Variants in PCSK9 observed in about 807,000 individuals in gnomAD.
PCSK9 encodes proprotein convertase subtilisin/kexin type 9, also known as convertase subtilisin/kexin type 9 preproprotein.
Under a neutral mutation model 62.1 loss-of-function variants are expected in PCSK9, and 57 were observed. The observed-to-expected ratio is 0.92, with a 90% CI of 0.74 to 1.14. PCSK9 has a LOEUF of 1.14. PCSK9 is among the 50% of genes most tolerant of loss of function. The probability of loss-of-function intolerance (pLI) is 0.00; values close to 1 mark genes in which losing one functional copy is unlikely to be tolerated. For missense variants in PCSK9, 870 were observed against 959.8 expected, an observed-to-expected ratio of 0.91 and a Z score of 1.24; for synonymous variants, 387 against 409.4, an observed-to-expected ratio of 0.95 and a Z score of 0.66.
At chr1:55,061,879 G>C (rs2100339071) in intron 11 of PCSK9, among the ~76,000 whole-genome samples, 1 of 152,218 alleles carries the variant, frequency 6.6e-6, no homozygotes, top group South Asian at 2.1e-4. Flanking sequence ...TCTGAGATGG[G>C]GTCTTGCTGT....
chr1:55,056,124 C>G lies in PCSK9; in HGVS notation c.931C>G (p.Leu311Val), dbSNP rs1644712071. The G allele has an allele frequency of 6.4e-7, 1 of 1,571,896 alleles. No homozygotes were observed. The highest frequency in any genetic ancestry group is 1.7e-5 in the Admixed American group (1 of 57,398). Residue 311 changes from leucine to valine, a missense_variant, in exon 6 of 12, where the codon CTG (leucine) becomes GTG (valine). Coordinates refer to ENST00000302118, the MANE Select transcript of PCSK9 (RefSeq NM_174936.4). ...GCGCCTGGCGAGGGCTGGGGTCGTG[C>G]TGGTCACCGCTGCCGGCAACTTCCG... Reference protein sequence around the residue: ...CQRLARAGVVLVTAAGNFRDD... With the variant: ...CQRLARAGVVVVTAAGNFRDD...
At position 55,052,723 on chromosome 1, in the gene PCSK9, G is replaced by A. The variant is rs370501906; in HGVS notation, c.731G>A (p.Gly244Asp). 2.5e-6 allele frequency: 4 copies of A among 1,613,066 alleles called. No individual in the cohort carries two copies. The highest frequency in any genetic ancestry group is 2.2e-5 in the South Asian group (2 of 91,082). The change falls in exon 5 of 12, where the codon GGT becomes GAT. Residue 244 changes from glycine (G) to aspartate (D), a missense_variant. Physicochemically the swap from Gly to Asp is moderately conservative, Grantham distance 94. Coordinates refer to ENST00000302118, the MANE Select transcript of PCSK9 (RefSeq NM_174936.4). Reference protein sequence around the residue: ...VSGRDAGVAKGASMRSLRVLN... With the variant: ...VSGRDAGVAKDASMRSLRVLN... ...GGCCGGGATGCCGGCGTGGCCAAGG[G>A]TGCCAGCATGCGCAGCCTGCGCGTG...
At chr1:55,061,036 CT>C (rs1644755148) in intron 10 of PCSK9, among the ~76,000 whole-genome samples, 2 of 152,346 alleles carry the variant, frequency 1.3e-5, no homozygotes, top group African/African-American at 2.4e-5. Flanking sequence ...CTTCTGCCTG[CT>C]GGCTGCATAG....
At chr1:55,060,030 G>T (rs1247362019) in intron 10 of PCSK9, among the ~76,000 whole-genome samples, 1 of 152,212 alleles carries the variant, frequency 6.6e-6, no homozygotes, top group Non-Finnish European at 1.5e-5. Flanking sequence ...GCAGACCTCG[G>T]TTTGAATTTC....
rs1557509722 is a variant in PCSK9 at position 55,063,418 on chromosome 1, T to C, written c.1913T>C (p.Leu638Pro). 1.9e-6 allele frequency: 3 copies of C among 1,613,740 alleles called. No homozygotes were observed. The Admixed American group carries it at 5.0e-5, about 27-fold the overall frequency. ...EGWTLTGCSA[L>P]PGTSHVLGAY... ...TGGACCCTGACTGGCTGCAGTGCCCTCCCTGGGACCTCCCACGTCCTGGGG... is the reference window on the plus strand; with the variant it reads ...TGGACCCTGACTGGCTGCAGTGCCCCCCCTGGGACCTCCCACGTCCTGGGG... The change falls in exon 12 of 12, where the codon CTC becomes CCC. Residue 638 changes from leucine (L) to proline (P), a missense_variant. Coordinates refer to ENST00000302118, the MANE Select transcript of PCSK9 (RefSeq NM_174936.4).
Position 55,058,092 on chromosome 1 carries a change from CA to C in PCSK9, c.1238del (p.Gln413ArgfsTer3). On this transcript the variant is annotated frameshift_variant, in exon 8 of 12. Transcript: ENST00000302118. LOFTEE classifies it high-confidence loss of function. ...GGAGCTCACCCTGGCCGAGTTGAGG[CA>C]GAGACTGATCCACTTCTCTGCCAAA... ...EPELTLAELR[Q>X]RLIHFSAKDV... is the part of the protein sequence containing the mutation. 1 of 1,613,752 alleles carries C rather than the reference CA, an allele frequency of 6.2e-7. No individual in the cohort carries two copies. The highest frequency in any genetic ancestry group is 8.5e-7 in the Non-Finnish European group (1 of 1,180,026).
Position 55,061,479 on chromosome 1 carries a change from A to G in PCSK9, c.1786A>G (p.Ile596Val). 1 of 1,606,584 alleles carries G rather than the reference A, an allele frequency of 6.2e-7. No individual in the cohort carries two copies. Among genetic ancestry groups the G allele is most frequent in the Non-Finnish European group, 8.5e-7 (1 of 1,177,242 alleles). Residue 596 changes from isoleucine (I) to valine (V), a missense_variant, in exon 11 of 12, where the codon ATC becomes GTC. Transcript: ENST00000302118. Reference sequence around the variant, plus strand: ...GTGCGTGGGCCACAGGGAGGCCAGCATCCACGCTTCCTGCTGCCATGCCCC... The same window carrying G: ...GTGCGTGGGCCACAGGGAGGCCAGCGTCCACGCTTCCTGCTGCCATGCCCC... ...NQCVGHREAS[I>V]HASCCHAPGL...
At chr1:55,056,224 AGGGGGC>A (rs747943483) in intron 6 of PCSK9, 35 bp downstream of exon 6, 29 of 216,380 alleles carry the variant, frequency 1.3e-4, no homozygotes, top group Non-Finnish European at 1.7e-4. Context: ...AGGCGCGGGT[AGGGGGC>A]GGAGGGCGGA....
intron 7 of PCSK9, 101 bp downstream of exon 7, chr1:55,057,615 G>A: frequency 7.2e-7 from 1 of 1,385,744 alleles, no homozygotes; most frequent in South Asian, 1.2e-5. Context: ...TGTGCAGGGG[G>A]ACCAGAGATG....
Position 55,052,632 on chromosome 1 carries a change from C to T in PCSK9, c.658-18C>T. ...GAGGGGGGGTCTTTCTCATGTGGTCCTTGTGTTCGTCGAGCAGGCCAGCAA... is the reference window on the plus strand; with the variant it reads ...GAGGGGGGGTCTTTCTCATGTGGTCTTTGTGTTCGTCGAGCAGGCCAGCAA... On this transcript the variant is annotated intron_variant, in intron 4 of 11. Transcript: ENST00000302118. The T allele has an allele frequency of 6.2e-7, 1 of 1,612,532 alleles. No homozygotes were observed. Among genetic ancestry groups the T allele is most frequent in the South Asian group, 1.1e-5 (1 of 91,014 alleles).
intron 11 of PCSK9, among the ~76,000 whole-genome samples, chr1:55,062,270 T>C (rs933235577): frequency 6.6e-6 from 1 of 152,242 alleles, no homozygotes; most frequent in African/African-American, 2.4e-5. Context: ...AGGAGTCCAC[T>C]CTTAAATGAA....
chr1:55,057,316 T>A lies in PCSK9; in HGVS notation c.997-15T>A. The A allele has an allele frequency of 6.2e-7, 1 of 1,612,474 alleles. No homozygotes were observed. The stretch of plus-strand genomic sequence containing the variant: ...TGGGCTCCTTTCTCTGCCACCCACC[T>A]CCTCACCTTTCCAGGTCATCACAGT... On this transcript the variant is annotated splice_polypyrimidine_tract_variant and intron_variant, in intron 6 of 11. Transcript: ENST00000302118.
intron 5 of PCSK9, among the ~76,000 whole-genome samples, chr1:55,054,337 C>T (rs1049966618): frequency 3.3e-5 from 5 of 152,078 alleles, no homozygotes; most frequent in South Asian, 2.1e-4. Context: ...GAGCTGAGAT[C>T]GTGCCACTGC....
rs1359249683 is a variant in PCSK9, at chr1:55,056,088, G to A, written c.895G>A (p.Ala299Thr). ...LAGGYSRVLNAACQRLARAGV... is the reference protein window; with the variant it reads ...LAGGYSRVLNTACQRLARAGV... ...GGGTGGGTACAGCCGCGTCCTCAAC[G>A]CCGCCTGCCAGCGCCTGGCGAGGGC... The change falls in exon 6 of 12, where the codon GCC (alanine) becomes ACC (threonine). Residue 299 changes from alanine to threonine, a missense_variant. Physicochemically the swap from Ala to Thr is moderately conservative, Grantham distance 58 (BLOSUM62 0). Transcript: ENST00000302118. The A allele has an allele frequency of 1.9e-6, 3 of 1,590,870 alleles. No individual in the cohort carries two copies. Among genetic ancestry groups the A allele is most frequent in the Non-Finnish European group, 2.6e-6 (3 of 1,164,830 alleles).
rs975893707 is a variant in PCSK9, at chr1:55,039,599, G to T, written c.-239G>T. On this transcript the variant is annotated 5_prime_UTR_variant, in exon 1 of 12. Transcript: ENST00000302118. Reference sequence around the variant, plus strand: ...AGGCGGGCGCCGCCGTTCAGTTCAGGGTCTGAGCCTGGAGGAGTGAGCCAG... The same window carrying T: ...AGGCGGGCGCCGCCGTTCAGTTCAGTGTCTGAGCCTGGAGGAGTGAGCCAG... The T allele has an allele frequency of 8.3e-6, 5 of 600,622 alleles. No individual in the cohort carries two copies. The African/African-American group carries it at 9.3e-5, about 11-fold the overall frequency. The allele number at this position is 600,622 out of a possible 1,614,324, so 37.2% of individuals were successfully genotyped here.
In PCSK9 at chr1:55,063,744, C is replaced by CCCTTG; in HGVS notation, c.*160_*161insCCTTG. On this transcript the variant is annotated 3_prime_UTR_variant, in exon 12 of 12. Coordinates refer to ENST00000302118, the MANE Select transcript of PCSK9 (RefSeq NM_174936.4). ...CTGCTGGCCTGGCCCTTGAGTGGGG[C>CCCTTG]AGCCTCCTTGCCTGGAACTCACTCA... The CCCTTG allele has an allele frequency of 2.3e-6, 2 of 867,942 alleles. No individual in the cohort carries two copies. Among genetic ancestry groups the CCCTTG allele is most frequent in the South Asian group, 3.6e-5 (2 of 55,930 alleles). The allele number at this position is 867,942 out of a possible 1,614,324, so 53.8% of individuals were successfully genotyped here.
rs1438899553 is a variant in PCSK9 at position 55,063,557 on chromosome 1, G to A, written c.2052G>A (p.Leu684=). The A allele has an allele frequency of 6.2e-7, 1 of 1,612,734 alleles. No homozygotes were observed. Among genetic ancestry groups the A allele is most frequent in the Non-Finnish European group, 8.5e-7 (1 of 1,179,900 alleles). The change falls in exon 12 of 12, where the codon CTG becomes CTA. Residue 684 remains leucine, a synonymous_variant. Transcript: ENST00000302118. ...CCATCTGCTGCCGGAGCCGGCACCT[G>A]GCGCAGGCCTCCCAGGAGCTCCAGT... ...AVAICCRSRH[L]AQASQELQ
chr1:55,057,611 G>A, intron 7 of PCSK9, 97 bp downstream of exon 7: 1 of 1,414,108 alleles, frequency 7.1e-7, no homozygotes, highest in East Asian at 2.5e-5. Flanking sequence ...GCTCTGTGCA[G>A]GGGGACCAGA....
At position 55,057,365 on chromosome 1, in the gene PCSK9, A is replaced by G. The variant is rs2100320153; in HGVS notation, c.1031A>G (p.Gln344Arg). 1.2e-6 allele frequency: 2 copies of G among 1,614,090 alleles called. No individual in the cohort carries two copies. The highest frequency in any genetic ancestry group is 1.7e-6 in the Non-Finnish European group (2 of 1,180,012). Residue 344 changes from glutamine (Q) to arginine (R), a missense_variant, in exon 7 of 12, where the codon CAG becomes CGG. Physicochemically the swap from Gln to Arg is conservative, Grantham distance 43 (BLOSUM62 1). Coordinates refer to ENST00000302118, the MANE Select transcript of PCSK9 (RefSeq NM_174936.4). ...ITVGATNAQD[Q>R]PVTLGTLGTN... is the part of the protein sequence containing the mutation. Reference sequence around the variant, plus strand: ...GTTGGGGCCACCAATGCCCAAGACCAGCCGGTGACCCTGGGGACTTTGGGG... The same window carrying G: ...GTTGGGGCCACCAATGCCCAAGACCGGCCGGTGACCCTGGGGACTTTGGGG...
Sources: allele counts gnomAD v4.1 joint callset (sites outside exome capture counted in the v4.1 genomes callset), GRCh38; gene constraint gnomAD v4.1.1; transcripts MANE v1.5; gene names NCBI Gene and HGNC (gene_info 2026-07-23, HGNC 2026-07-21).